Variants in SGCZ observed in about 807,000 individuals in gnomAD.
The protein encoded by SGCZ is sarcoglycan zeta, also known as zeta-sarcoglycan.
SGCZ carries 40 observed loss-of-function variants against 41.3 expected under a neutral mutation model. The ratio of observed to expected loss-of-function variants is 0.97; its 90% confidence interval spans 0.75 to 1.26. The LOEUF is 1.26. SGCZ is among the 50% of genes most tolerant of loss of function. The pLI is 0.00. For synonymous variants in SGCZ, 206 were observed against 137.5 expected (o/e 1.50, Z -3.49); for missense variants, 552 against 369.8 (o/e 1.49, Z -4.04).
chr8:14,798,745 A>C (rs964625739), intron 1 of SGCZ, among the ~76,000 whole-genome samples: 3 of 152,068 alleles, frequency 2.0e-5, no homozygotes, highest in Admixed American at 6.5e-5. Flanking sequence ...ATATTAGATT[A>C]TGTAATTTAA....
rs189074991 is a variant in SGCZ, at chr8:14,121,225, A to T, written c.548-12990T>A. ...TTCAACATTCAATTAAATTACATTAAATATATTCAACTATATTATATTCAG... is the reference window on the plus strand; with the variant it reads ...TTCAACATTCAATTAAATTACATTATATATATTCAACTATATTATATTCAG... On this transcript the variant is annotated intron_variant, in intron 5 of 7. Coordinates refer to ENST00000382080, the MANE Select transcript of SGCZ (RefSeq NM_139167.4). Among the ~76,000 whole-genome samples, 181 of 152,026 alleles carry T rather than the reference A, an allele frequency of 1.2e-3. 3 individuals carry two copies. The highest frequency in any genetic ancestry group is 4.1e-3 in the African/African-American group (169 of 41,554).
intron 2 of SGCZ, among the ~76,000 whole-genome samples, chr8:14,515,261 C>G (rs1028382084): frequency 6.6e-6 from 1 of 152,036 alleles, no homozygotes; most frequent in Admixed American, 6.6e-5. Context: ...CACTCACTGA[C>G]TTATTTAAGT....
intron 1 of SGCZ, among the ~76,000 whole-genome samples, chr8:14,589,716 T>C (rs191781136): frequency 6.6e-6 from 1 of 152,206 alleles, no homozygotes; most frequent in Non-Finnish European, 1.5e-5. Context: ...CCTGTAAATA[T>C]TCTTAAGAAA....
chr8:14,570,193 G>A (rs1013092610), intron 1 of SGCZ, among the ~76,000 whole-genome samples: 2 of 152,220 alleles, frequency 1.3e-5, no homozygotes, highest in African/African-American at 2.4e-5. Flanking sequence ...GCAGGTAGGT[G>A]CTCAATAATA....
At chr8:14,263,222 T>G (rs1484714708) in intron 3 of SGCZ, among the ~76,000 whole-genome samples, 4 of 152,188 alleles carry the variant, frequency 2.6e-5, no homozygotes, top group African/African-American at 7.2e-5. Context: ...AGGTTAAAAA[T>G]GAAGCAGGAC....
At chr8:15,077,309 C>A (rs929010289) in intron 1 of SGCZ, among the ~76,000 whole-genome samples, 1 of 152,080 alleles carries the variant, frequency 6.6e-6, no homozygotes, top group Non-Finnish European at 1.5e-5. Flanking sequence ...ATTAAATAAA[C>A]CCATGCAGTA....
intron 1 of SGCZ, among the ~76,000 whole-genome samples, chr8:15,207,378 G>A (rs1356921128): frequency 6.6e-6 from 1 of 152,202 alleles, no homozygotes; most frequent in Non-Finnish European, 1.5e-5. Context: ...GGCTAGACTG[G>A]AAACTAATGA....
rs192788518 is a variant in SGCZ, at chr8:14,147,403, G to A, written c.547+17177C>T. The stretch of plus-strand genomic sequence containing the variant: ...CCATGCCAATAAAAACCAAAAAAGT[G>A]CAGGAGTTGCTATACTCATATCAGA... On this transcript the variant is annotated intron_variant, in intron 5 of 7. Coordinates refer to ENST00000382080, the MANE Select transcript of SGCZ (RefSeq NM_139167.4). Among the ~76,000 whole-genome samples the A allele has an allele frequency of 2.8e-4, 43 of 152,172 alleles. 1 individual carries two copies. The highest frequency in any genetic ancestry group is 1.0e-3 in the African/African-American group (42 of 41,548).
intron 1 of SGCZ, among the ~76,000 whole-genome samples, chr8:15,036,735 A>T (rs553842608): frequency 6.6e-6 from 1 of 152,218 alleles, no homozygotes; most frequent in East Asian, 1.9e-4. Context: ...CTTATCTTAC[A>T]AGGCCAGCAT....
In SGCZ at chr8:14,641,323, G is replaced by T. The variant is rs115170078; in HGVS notation, c.40-86397C>A. 5.1e-3 allele frequency among the ~76,000 whole-genome samples: 781 copies of T among 151,780 alleles called. 7 individuals are homozygous for T. The highest frequency in any genetic ancestry group is 0.018 in the African/African-American group (732 of 41,484). ...ATAAAAATTCTTGATAAAGTTTCAA[G>T]ATGGATGCATTATTCAAGCTGCTTC... is the stretch of plus-strand genomic sequence containing the variant. On this transcript the variant is annotated intron_variant, in intron 1 of 7. Coordinates refer to ENST00000382080, the MANE Select transcript of SGCZ (RefSeq NM_139167.4).
chr8:14,619,878 T>C (rs1394425306), intron 1 of SGCZ, among the ~76,000 whole-genome samples: 3 of 152,160 alleles, frequency 2.0e-5, no homozygotes, highest in Non-Finnish European at 4.4e-5. Flanking sequence ...AGGTAATTTA[T>C]AGATTCAATG....
chr8:14,296,084 G>C (rs2116958293), intron 3 of SGCZ, among the ~76,000 whole-genome samples: 1 of 152,204 alleles, frequency 6.6e-6, no homozygotes, highest in East Asian at 1.9e-4. Flanking sequence ...CCACAGAAAA[G>C]CCAAACATGA....
intron 1 of SGCZ, among the ~76,000 whole-genome samples, chr8:15,150,994 T>C (rs1799163666): frequency 6.6e-6 from 1 of 152,238 alleles, no homozygotes; most frequent in Non-Finnish European, 1.5e-5. Context: ...GCAGAAATTA[T>C]GGGCACTAAG....
chr8:15,170,498 T>C (rs1253384090), intron 1 of SGCZ, among the ~76,000 whole-genome samples: 1 of 152,196 alleles, frequency 6.6e-6, no homozygotes, highest in East Asian at 1.9e-4. Flanking sequence ...TCTGTGACCA[T>C]AACTAAAATT....
intron 1 of SGCZ, among the ~76,000 whole-genome samples, chr8:14,780,480 G>C (rs1800555264): frequency 6.6e-6 from 1 of 151,710 alleles, no homozygotes; most frequent in Non-Finnish European, 1.5e-5. Context: ...CCTATCATGT[G>C]TCATCTATTG....
chr8:14,116,567 CAT>C (rs1490265437), intron 5 of SGCZ, among the ~76,000 whole-genome samples: 1 of 152,056 alleles, frequency 6.6e-6, no homozygotes, highest in African/African-American at 2.4e-5. Flanking sequence ...GTACGACATG[CAT>C]AGAGTCCAAA....
At position 14,713,604 on chromosome 8, in the gene SGCZ, T is replaced by C. The variant is rs532314820; in HGVS notation, c.40-158678A>G. Among the ~76,000 whole-genome samples the C allele has an allele frequency of 5.0e-3, 762 of 151,204 alleles. 2 individuals carry two copies. The highest frequency in any genetic ancestry group is 8.4e-3 in the Non-Finnish European group (572 of 67,922). ...TGTGATTACGAAGAACTGTGATTAA[T>C]GATATACTTTGGAAAATAGAATTGA... is the stretch of plus-strand genomic sequence containing the variant. On this transcript the variant is annotated intron_variant, in intron 1 of 7. Coordinates refer to ENST00000382080, the MANE Select transcript of SGCZ (RefSeq NM_139167.4).
At chr8:14,421,250 C>A (rs1362202337) in intron 2 of SGCZ, among the ~76,000 whole-genome samples, 3 of 152,036 alleles carry the variant, frequency 2.0e-5, no homozygotes, top group Non-Finnish European at 2.9e-5. Flanking sequence ...CCTTCTCCTG[C>A]CACACCTTCT....
intron 1 of SGCZ, among the ~76,000 whole-genome samples, chr8:14,569,737 C>G (rs1804493639): frequency 6.6e-6 from 1 of 152,120 alleles, no homozygotes; most frequent in South Asian, 2.1e-4. Flanking sequence ...CTGTCGAGGC[C>G]TCTTTGAAAA....
Sources: gnomAD v4.1 joint callset for allele counts (sites outside exome capture counted in the v4.1 genomes callset) on GRCh38, gnomAD v4.1.1 for gene constraint, MANE v1.5 for transcripts, NCBI Gene and HGNC (gene_info 2026-07-23, HGNC 2026-07-21) for gene names.